Variants in PAX3 observed in about 807,000 individuals in gnomAD.
PAX3 encodes the protein paired box protein Pax-3.
Under a neutral mutation model 51.6 loss-of-function variants are expected in PAX3, and 14 were observed. The observed-to-expected ratio is 0.27, with a 90% CI of 0.18 to 0.42. PAX3 has a LOEUF of 0.42. PAX3 is among the 10% of genes least tolerant of loss of function. PAX3 has a pLI of 1.00. For synonymous variants in PAX3, 280 were observed against 253.4 expected, an observed-to-expected ratio of 1.11 and a Z score of -1.00; for missense variants, 540 against 642.8, an observed-to-expected ratio of 0.84 and a Z score of 1.73.
In PAX3 at chr2:222,200,920, G is replaced by A. The variant is rs1013725641; in HGVS notation, c.*488C>T. 4 of 535,574 alleles carry A rather than the reference G, an allele frequency of 7.5e-6. No individual in the cohort carries two copies. The highest frequency in any genetic ancestry group is 4.7e-5 in the South Asian group (2 of 42,320). 33.2% of individuals were successfully genotyped at this position (535,574 alleles called of 1,614,324 possible). On this transcript the variant is annotated 3_prime_UTR_variant, in exon 9 of 9. Coordinates refer to ENST00000392070, the MANE Select transcript of PAX3 (RefSeq NM_181458.4). ...CCTCCATTCTTGCTTCATGAAATGA[G>A]CAGTTTTAAAGTTGTAGAAGTATCA... is the stretch of plus-strand genomic sequence containing the variant.
At chr2:222,239,334 T>TA (rs557236726) in intron 4 of PAX3, among the ~76,000 whole-genome samples, 2 of 150,502 alleles carry the variant, frequency 1.3e-5, no homozygotes, top group South Asian at 4.3e-4. Flanking sequence ...GGTGGGTTTT[T>TA]TTTTCAGAGA....
chr2:222,243,528 T>C (rs574328551), intron 4 of PAX3, among the ~76,000 whole-genome samples: 1 of 152,362 alleles, frequency 6.6e-6, no homozygotes, highest in African/African-American at 2.4e-5. Flanking sequence ...TCAGTGTACA[T>C]AGGAGTTAAT....
chr2:222,245,515 T>C (rs1396652536), intron 4 of PAX3, among the ~76,000 whole-genome samples: 1 of 152,256 alleles, frequency 6.6e-6, no homozygotes, highest in African/African-American at 2.4e-5. Flanking sequence ...AGCAGGTTTC[T>C]GCATGAATTA....
intron 5 of PAX3, among the ~76,000 whole-genome samples, chr2:222,223,267 A>G (rs1456340714): frequency 6.6e-6 from 1 of 152,208 alleles, no homozygotes; most frequent in Non-Finnish European, 1.5e-5. Context: ...AACTTCCTCA[A>G]AACATCAACA....
At chr2:222,226,987 A>G (rs1182743063) in intron 5 of PAX3, among the ~76,000 whole-genome samples, 1 of 152,004 alleles carries the variant, frequency 6.6e-6, no homozygotes, top group Non-Finnish European at 1.5e-5. Flanking sequence ...GATCTCCTGA[A>G]GTCCACCCAT....
At chr2:222,291,670 T>C (rs999459460) in intron 4 of PAX3, among the ~76,000 whole-genome samples, 5 of 152,148 alleles carry the variant, frequency 3.3e-5, no homozygotes, top group African/African-American at 9.7e-5. Flanking sequence ...TACACCACAC[T>C]GGTCAGGGGA....
At chr2:222,207,999 GT>G (rs1691579217) in intron 7 of PAX3, among the ~76,000 whole-genome samples, 1 of 133,430 alleles carries the variant, frequency 7.5e-6, no homozygotes, top group African/African-American at 2.5e-5. Flanking sequence ...ACATATATGT[GT>G]GTGTATATAT....
At chr2:222,293,917 C>T (rs1695143645) in intron 4 of PAX3, 1 of 1,492,066 alleles carries the variant, frequency 6.7e-7, no homozygotes, top group Non-Finnish European at 8.9e-7. Context: ...TTCTAGAATC[C>T]CAGGGGCTGA....
At chr2:222,252,205 C>T (rs981549283) in intron 4 of PAX3, among the ~76,000 whole-genome samples, 35 of 152,308 alleles carry the variant, frequency 2.3e-4, no homozygotes, top group African/African-American at 7.0e-4. Context: ...AACAGCAGAG[C>T]TGAGTAGTGT....
At position 222,288,272 on chromosome 2, in the gene PAX3, C is replaced by A. The variant is rs45501196; in HGVS notation, c.586+5895G>T. On this transcript the variant is annotated intron_variant, in intron 4 of 8. Transcript: ENST00000392070. ...CAGTTTCTGATGACTTTAGAAAGTG[C>A]AATCCATAGGACAAACATATCTTCA... Among the ~76,000 whole-genome samples the A allele has an allele frequency of 2.9e-3, 437 of 152,322 alleles. 4 individuals carry two copies. The highest frequency in any genetic ancestry group is 0.01 in the African/African-American group (419 of 41,558).
chr2:222,236,352 C>T (rs903901273), intron 4 of PAX3, among the ~76,000 whole-genome samples: 2 of 152,232 alleles, frequency 1.3e-5, no homozygotes, highest in African/African-American at 4.8e-5. Flanking sequence ...CCCCAGCCTC[C>T]CAAATAGCTG....
chr2:222,263,154 G>A (rs1051825428), intron 4 of PAX3: 1 of 152,108 alleles, frequency 6.6e-6, no homozygotes, highest in African/African-American at 2.4e-5. Flanking sequence ...CAAAAGCCAT[G>A]GTTAAAAGAA....
At chr2:222,273,728 A>T (rs1694327376) in intron 4 of PAX3, among the ~76,000 whole-genome samples, 1 of 152,222 alleles carries the variant, frequency 6.6e-6, no homozygotes, top group African/African-American at 2.4e-5. Flanking sequence ...ATTGTTATTT[A>T]GTTGCAGCAT....
At chr2:222,274,464 CG>C (rs45531636) in intron 4 of PAX3, among the ~76,000 whole-genome samples, 17,685 of 151,488 alleles carry the variant, frequency 0.12, 1,316 homozygotes, top group East Asian at 0.25. Flanking sequence ...GTAGAGTTAA[CG>C]TTCTTCCTAA....
chr2:222,248,504 C>T (rs549993397), intron 4 of PAX3, among the ~76,000 whole-genome samples: 6 of 152,318 alleles, frequency 3.9e-5, no homozygotes, highest in African/African-American at 7.2e-5. Context: ...CCATACACAC[C>T]GTGCCTTTCC....
At chr2:222,259,064 A>T (rs560420789) in intron 4 of PAX3, among the ~76,000 whole-genome samples, 1 of 152,264 alleles carries the variant, frequency 6.6e-6, no homozygotes, top group South Asian at 2.1e-4. Context: ...TTTTTCAAAA[A>T]AATAATCTTA....
At chr2:222,232,034 C>T (rs1332594411) in intron 5 of PAX3, 44 bp downstream of exon 5, 11 of 1,565,972 alleles carry the variant, frequency 7.0e-6, no homozygotes, top group Non-Finnish European at 8.8e-6. Context: ...TTGTTTGTTT[C>T]CTGTCTGGAC....
In PAX3 at chr2:222,253,029, T is replaced by A. The variant is rs147687045; in HGVS notation, c.587-20746A>T. 3.9e-4 allele frequency among the ~76,000 whole-genome samples: 59 copies of A among 152,306 alleles called. No homozygotes were observed. In the East Asian group the frequency reaches 0.011, roughly 27 times the overall value. ...CTCACTCCCCAATCCTATGCCCTGG[T>A]GACCCATAGGCTACTTCCATCATCT... On this transcript the variant is annotated intron_variant, in intron 4 of 8. Transcript: ENST00000392070.
At chr2:222,284,542 A>G (rs1372041129) in intron 4 of PAX3, among the ~76,000 whole-genome samples, 1 of 152,184 alleles carries the variant, frequency 6.6e-6, no homozygotes, top group Non-Finnish European at 1.5e-5. Context: ...TACATTTAAT[A>G]GTTGCTCATA....
Sources: allele counts gnomAD v4.1 joint callset (sites outside exome capture counted in the v4.1 genomes callset), GRCh38; gene constraint gnomAD v4.1.1; transcripts MANE v1.5; gene names NCBI Gene and HGNC (gene_info 2026-07-23, HGNC 2026-07-21).